The following MTFR1 variants were observed in gnomAD, a reference collection of about 807,000 sequenced individuals.
MTFR1 encodes mitochondrial fission regulator 1.
MTFR1 carries 28 observed loss-of-function variants against 38.8 expected under a neutral mutation model. That is an observed-to-expected ratio of 0.72 (90% CI 0.53 to 0.99). The LOEUF is 0.99. MTFR1 is among the 50% of genes least tolerant of loss of function. The pLI is 0.00. For synonymous variants in MTFR1, 145 were observed against 137.0 expected (o/e 1.06, Z -0.41); for missense variants, 358 against 395.5 (o/e 0.91, Z 0.81).
chr8:65,657,035 C>T (rs113460642), intron 1 of MTFR1, among the ~76,000 whole-genome samples: 2,646 of 146,198 alleles, frequency 0.018, 28 homozygotes, highest in Middle Eastern at 0.069. Context: ...TTTTTTCAGA[C>T]GGAGTCTCAC....
intron 3 of MTFR1, chr8:65,739,627 TAGGAAA>T: frequency 6.8e-7 from 1 of 1,470,142 alleles, no homozygotes; most frequent in Non-Finnish European, 9.0e-7. Flanking sequence ...ATTACATTAG[TAGGAAA>T]TACAAGTCAA....
intron 1 of MTFR1, among the ~76,000 whole-genome samples, chr8:65,660,003 C>A (rs995666611): frequency 2.6e-5 from 4 of 152,132 alleles, no homozygotes; most frequent in Non-Finnish European, 4.4e-5. Context: ...AAAAAACCAT[C>A]TGTGGGCCGG....
intron 3 of MTFR1, among the ~76,000 whole-genome samples, chr8:65,767,832 A>G (rs1808869666): frequency 6.6e-6 from 1 of 152,186 alleles, no homozygotes; most frequent in African/African-American, 2.4e-5. Flanking sequence ...ACTGGTAAAT[A>G]TAAGTGTTTC....
chr8:65,727,391 A>G (rs1806655402), intron 3 of MTFR1: 4 of 1,542,946 alleles, frequency 2.6e-6, no homozygotes, highest in Admixed American at 1.9e-5. Flanking sequence ...AGCCAATGGT[A>G]GTGGTGGTAA....
Position 65,693,256 on chromosome 8 carries a change from C to T in MTFR1, c.166-388C>T, listed in dbSNP as rs538907313. Among the ~76,000 whole-genome samples the T allele has an allele frequency of 1.4e-4, 22 of 152,082 alleles. No individual in the cohort carries two copies. In the East Asian group the frequency reaches 4.3e-3, roughly 29 times the overall value. On this transcript the variant is annotated intron_variant, in intron 3 of 7. Transcript: ENST00000262146. ...TCTCTACTAAAAACACAAAAATTAG[C>T]TGGGCATGGTGGCGTGTGCCTGTAG... is the stretch of plus-strand genomic sequence containing the variant.
intron 5 of MTFR1, among the ~76,000 whole-genome samples, chr8:65,705,331 AC>A (rs1339009265): frequency 1.3e-5 from 2 of 152,098 alleles, no homozygotes; most frequent in Non-Finnish European, 2.9e-5. Flanking sequence ...TCAAAACTAA[AC>A]AAAAAACAAA....
At chr8:65,692,587 G>A (rs941371944) in intron 3 of MTFR1, among the ~76,000 whole-genome samples, 1 of 151,330 alleles carries the variant, frequency 6.6e-6, no homozygotes, top group Non-Finnish European at 1.5e-5. Context: ...TGATCCGCCT[G>A]CCTTGGCCTC....
intron 4 of MTFR1, among the ~76,000 whole-genome samples, chr8:65,694,420 A>C (rs1294158047): frequency 6.6e-6 from 1 of 152,058 alleles, no homozygotes; most frequent in Non-Finnish European, 1.5e-5. Context: ...CATGTTGCCT[A>C]GGCTAGTCTG....
intron 2 of MTFR1, among the ~76,000 whole-genome samples, chr8:65,671,793 A>G (rs1161833110): frequency 6.6e-6 from 1 of 152,200 alleles, no homozygotes; most frequent in Non-Finnish European, 1.5e-5. Context: ...TGTCTCTGTC[A>G]GTTATTGCCT....
intron 1 of MTFR1, among the ~76,000 whole-genome samples, chr8:65,668,805 C>T (rs1676365631): frequency 6.6e-6 from 1 of 152,174 alleles, no homozygotes; most frequent in Non-Finnish European, 1.5e-5. Context: ...TGAACCACCA[C>T]GCCCGGCCTT....
At chr8:65,663,893 C>T (rs1020071589) in intron 1 of MTFR1, among the ~76,000 whole-genome samples, 2 of 148,268 alleles carry the variant, frequency 1.3e-5, no homozygotes, top group African/African-American at 2.5e-5. Flanking sequence ...GGCGCCACCT[C>T]GGCTCACTGC....
chr8:65,711,234 G>GTCT (rs913753203), downstream of MTFR1, among the ~76,000 whole-genome samples: 22 of 152,314 alleles, frequency 1.4e-4, no homozygotes, highest in African/African-American at 4.8e-4. Flanking sequence ...AGGACTTGCA[G>GTCT]TCTTTAGTTC....
At chr8:65,734,497 C>T (rs889370591) in intron 3 of MTFR1, among the ~76,000 whole-genome samples, 4 of 152,158 alleles carry the variant, frequency 2.6e-5, no homozygotes, top group African/African-American at 9.7e-5. Flanking sequence ...CAGACCAAGG[C>T]TGTCCCTGCC....
chr8:65,723,557 A>G (rs1806481051), intron 3 of MTFR1: 1 of 1,580,428 alleles, frequency 6.3e-7, no homozygotes, highest in Non-Finnish European at 8.6e-7. Context: ...GGATGTTGGC[A>G]ATAGATTCAG....
chr8:65,648,640 G>A (rs184935106), intron 1 of MTFR1, among the ~76,000 whole-genome samples: 9 of 152,154 alleles, frequency 5.9e-5, no homozygotes, highest in East Asian at 1.9e-4. Context: ...CGACTCCACC[G>A]GGAGATATCA....
At chr8:65,726,332 T>C (rs1334177064) in intron 3 of MTFR1, among the ~76,000 whole-genome samples, 2 of 151,922 alleles carry the variant, frequency 1.3e-5, no homozygotes, top group Non-Finnish European at 2.9e-5. Context: ...GCCCATTTAT[T>C]TTTTTTTCCT....
At chr8:65,727,170 CT>C (rs752301942) in intron 3 of MTFR1, 1 of 1,544,892 alleles carries the variant, frequency 6.5e-7, no homozygotes, top group Non-Finnish European at 8.9e-7. Flanking sequence ...TTGCACTAAC[CT>C]TGTATAAAGT....
At chr8:65,675,688 A>G (rs188006985) in intron 2 of MTFR1, among the ~76,000 whole-genome samples, 3 of 152,360 alleles carry the variant, frequency 2.0e-5, no homozygotes, top group Admixed American at 2.0e-4. Flanking sequence ...TCTCCATTTT[A>G]TAGGTGAGAA....
rs1585760611 is a variant in MTFR1 at position 65,670,375 on chromosome 8, G to A, written c.66+357G>A. On this transcript the variant is annotated intron_variant, in intron 2 of 7. Transcript: ENST00000262146. ...TGTAGAATCATTAACATTGAATGCT[G>A]TTATAATGTGTTTAAACAACACAGT... is the stretch of plus-strand genomic sequence containing the variant. Among the ~76,000 whole-genome samples, 3 of 152,182 alleles carry A rather than the reference G, an allele frequency of 2.0e-5. No homozygotes were observed. The East Asian group carries it at 5.8e-4, about 29-fold the overall frequency.
Sources: gnomAD v4.1 joint callset for allele counts (sites outside exome capture counted in the v4.1 genomes callset) on GRCh38, gnomAD v4.1.1 for gene constraint, MANE v1.5 for transcripts, NCBI Gene and HGNC (gene_info 2026-07-23, HGNC 2026-07-21) for gene names.